The following PCDH9 variants were observed in gnomAD, a reference collection of about 807,000 sequenced individuals.
PCDH9 encodes the protein protocadherin 9, also known as protocadherin-9.
A neutral mutation model predicts 70.6 loss-of-function variants in PCDH9; 24 were observed. That is an observed-to-expected ratio of 0.34 (90% CI 0.25 to 0.48). The LOEUF is 0.48. Ranked by LOEUF, PCDH9 falls within the 20% of genes least tolerant of loss-of-function variation. The probability of loss-of-function intolerance (pLI) is 0.99; values close to 1 mark genes in which losing one functional copy is unlikely to be tolerated. For missense variants in PCDH9, 1,281 were observed against 1,503.6 expected (o/e 0.85, Z 2.45); for synonymous variants, 562 against 558.5 (o/e 1.01, Z -0.09).
chr13:66,697,906 A>T (rs574593367), intron 3 of PCDH9, among the ~76,000 whole-genome samples: 1 of 152,354 alleles, frequency 6.6e-6, no homozygotes, highest in South Asian at 2.1e-4. Context: ...TGGTAAACAA[A>T]ATGTTATATA....
chr13:66,903,309 A>T (rs2082307235), intron 3 of PCDH9, among the ~76,000 whole-genome samples, 195 bp downstream of exon 3: 1 of 151,864 alleles, frequency 6.6e-6, no homozygotes, highest in African/African-American at 2.4e-5. Flanking sequence ...TCAACAGAAA[A>T]AAAAAGATAT....
At chr13:67,054,063 GA>G (rs963396679) in intron 2 of PCDH9, among the ~76,000 whole-genome samples, 21 of 151,970 alleles carry the variant, frequency 1.4e-4, no homozygotes, top group African/African-American at 5.1e-4. Flanking sequence ...CCTACGTTGG[GA>G]AAACCAACAA....
At chr13:66,922,180 A>G (rs1213379076) in intron 2 of PCDH9, among the ~76,000 whole-genome samples, 3 of 151,336 alleles carry the variant, frequency 2.0e-5, no homozygotes, top group African/African-American at 7.3e-5. Context: ...CTGTGAATTG[A>G]TTAAACAATT....
intron 4 of PCDH9, among the ~76,000 whole-genome samples, chr13:66,508,338 G>A (rs1959283313): frequency 1.3e-5 from 2 of 152,078 alleles, no homozygotes. Flanking sequence ...AGATGGAGAT[G>A]GTGGTTGCGC....
intron 4 of PCDH9, among the ~76,000 whole-genome samples, chr13:66,548,139 C>G (rs374181732): frequency 6.6e-6 from 1 of 151,742 alleles, no homozygotes; most frequent in Non-Finnish European, 1.5e-5. Flanking sequence ...ACACTGAAGT[C>G]TTCTGGAATC....
intron 2 of PCDH9, among the ~76,000 whole-genome samples, chr13:67,016,544 C>T (rs979185426): frequency 2.0e-5 from 3 of 152,126 alleles, no homozygotes; most frequent in African/African-American, 7.2e-5. Flanking sequence ...AATCATCTTG[C>T]CAATTTACCT....
chr13:66,425,210 T>C (rs1008947639), intron 4 of PCDH9, among the ~76,000 whole-genome samples: 1 of 151,782 alleles, frequency 6.6e-6, no homozygotes, highest in African/African-American at 2.4e-5. Flanking sequence ...TTGATCTCTC[T>C]CTCTCTACCT....
intron 4 of PCDH9, among the ~76,000 whole-genome samples, chr13:66,560,871 C>T (rs1208226981): frequency 6.6e-6 from 1 of 152,230 alleles, no homozygotes; most frequent in Non-Finnish European, 1.5e-5. Context: ...TCATGTAAGT[C>T]ATATAAAGGA....
intron 2 of PCDH9, chr13:67,217,807 T>C (rs1001989894): frequency 6.6e-6 from 1 of 152,008 alleles, no homozygotes; most frequent in African/African-American, 2.4e-5. Flanking sequence ...AATTGAGAGT[T>C]TCTTCTTAGG....
chr13:66,529,526 A>G (rs147581607), intron 4 of PCDH9, among the ~76,000 whole-genome samples: 3 of 152,216 alleles, frequency 2.0e-5, no homozygotes, highest in African/African-American at 7.2e-5. Context: ...TCCAAAAACT[A>G]ATAACTAAAC....
intron 2 of PCDH9, among the ~76,000 whole-genome samples, chr13:66,968,230 A>G (rs1014846298): frequency 1.3e-5 from 2 of 152,072 alleles, no homozygotes; most frequent in Admixed American, 1.3e-4. Context: ...CTTTATTTCC[A>G]GATGCTTCTT....
chr13:67,166,242 A>G (rs2088113367), intron 2 of PCDH9, among the ~76,000 whole-genome samples: 1 of 152,186 alleles, frequency 6.6e-6, no homozygotes, highest in Non-Finnish European at 1.5e-5. Flanking sequence ...ATATATTGTT[A>G]CTTGTCTTTC....
At chr13:67,094,734 C>A (rs923350705) in intron 2 of PCDH9, among the ~76,000 whole-genome samples, 38 of 151,546 alleles carry the variant, frequency 2.5e-4, no homozygotes, top group African/African-American at 9.0e-4. Flanking sequence ...AGTATAATGT[C>A]AAGCCAGTTC....
chr13:66,701,928 A>C (rs1237458667), intron 3 of PCDH9, among the ~76,000 whole-genome samples: 1 of 152,100 alleles, frequency 6.6e-6, no homozygotes, highest in Non-Finnish European at 1.5e-5. Context: ...TGGAAGAGTG[A>C]CGTCTAACTA....
At chr13:66,512,923 G>T (rs1959550386) in intron 4 of PCDH9, among the ~76,000 whole-genome samples, 1 of 151,856 alleles carries the variant, frequency 6.6e-6, no homozygotes, top group Non-Finnish European at 1.5e-5. Context: ...CCATCTCCCT[G>T]GCTCAAGTGA....
intron 3 of PCDH9, among the ~76,000 whole-genome samples, chr13:66,752,151 C>T (rs547362856): frequency 1.0e-3 from 157 of 152,006 alleles, no homozygotes; most frequent in Middle Eastern, 3.4e-3. Context: ...TTGGCTTTTT[C>T]GTGGAACTGA....
rs1408603154 is a variant in PCDH9, at chr13:67,012,451, C to T, written c.3037-108846G>A. Among the ~76,000 whole-genome samples, 4 of 151,798 alleles carry T rather than the reference C, an allele frequency of 2.6e-5. No homozygotes were observed. In the East Asian group the frequency reaches 7.7e-4, roughly 29 times the overall value. Reference sequence around the variant, plus strand: ...AACAATATTGAATTACTTTGTCTAACTTTTCATTGATGCAAGAAAGAAAGA... The same window carrying T: ...AACAATATTGAATTACTTTGTCTAATTTTTCATTGATGCAAGAAAGAAAGA... On this transcript the variant is annotated intron_variant, in intron 2 of 4. Coordinates refer to ENST00000377865, the MANE Select transcript of PCDH9 (RefSeq NM_203487.3).
chr13:66,848,139 A>G (rs1322269871), intron 3 of PCDH9, among the ~76,000 whole-genome samples: 1 of 152,202 alleles, frequency 6.6e-6, no homozygotes, highest in Non-Finnish European at 1.5e-5. Context: ...ATATTTGAAT[A>G]AAAGATGTAT....
At chr13:67,166,273 A>T (rs2088114317) in intron 2 of PCDH9, among the ~76,000 whole-genome samples, 4 of 152,196 alleles carry the variant, frequency 2.6e-5, no homozygotes, top group African/African-American at 7.2e-5. Context: ...GATATGGATA[A>T]GTGACATGAA....
Sources: allele counts gnomAD v4.1 joint callset (sites outside exome capture counted in the v4.1 genomes callset), GRCh38; gene constraint gnomAD v4.1.1; transcripts MANE v1.5; gene names NCBI Gene and HGNC (gene_info 2026-07-23, HGNC 2026-07-21).